BTN3A3: variants seen among roughly 807,000 people sequenced by gnomAD.
The protein encoded by BTN3A3 is butyrophilin subfamily 3 member A3.
A neutral mutation model predicts 43.2 loss-of-function variants in BTN3A3; 39 were observed. That is an observed-to-expected ratio of 0.90 (90% CI 0.70 to 1.18). BTN3A3 has a LOEUF of 1.18. Ranked by LOEUF, BTN3A3 falls within the 50% of genes most tolerant of loss-of-function variation. BTN3A3 has a pLI of 0.00. For missense variants in BTN3A3, 631 were observed against 722.8 expected (o/e 0.87, Z 1.46); for synonymous variants, 255 against 272.7 (o/e 0.93, Z 0.64).
In BTN3A3 at chr6:26,451,898, G is replaced by C. The variant is rs1356617534; in HGVS notation, c.1242G>C (p.Lys414Asn). ...AGTGGCATATTGGGGTATGTAGTAA[G>C]AACGTGGAGAGGAAAAAAGGTTGGG... ...RKEWHIGVCS[K>N]NVERKKGWVK... is the part of the protein sequence containing the mutation. Residue 414 changes from lysine to asparagine, a missense_variant, in exon 11 of 11, where the codon AAG becomes AAC. This residue lies in a region of BTN3A3 where 551 missense variants were observed against 584.0 expected (regional missense o/e 0.94). Transcript: ENST00000244519. 6.2e-7 allele frequency: 1 copy of C among 1,614,046 alleles called. No homozygotes were observed. The highest frequency in any genetic ancestry group is 8.5e-7 in the Non-Finnish European group (1 of 1,180,038).
At chr6:26,443,774 C>G in intron 3 of BTN3A3, 115 bp downstream of exon 3, 1 of 1,489,456 alleles carries the variant, frequency 6.7e-7, no homozygotes, top group Non-Finnish European at 9.2e-7. Flanking sequence ...AACTCATTCC[C>G]ATACCTGGAA....
Position 26,445,857 on chromosome 6 carries a change from C to T in BTN3A3, c.587C>T (p.Ala196Val), listed in dbSNP as rs748468450. 99 of 1,614,044 alleles carry T rather than the reference C, an allele frequency of 6.1e-5. No individual in the cohort carries two copies. The highest frequency in any genetic ancestry group is 7.7e-5 in the Non-Finnish European group (91 of 1,180,042). ...CCGGCTGTGGAAGCACCTGTGGTTG[C>T]AGATGGAGTGGGCCTGTATGCAGTA... ...NIPAVEAPVV[A>V]DGVGLYAVAA... Residue 196 changes from alanine (A) to valine (V), a missense_variant, in exon 5 of 11, where the codon GCA (alanine) becomes GTA (valine). Around this residue, in one of 2 missense-constraint regions of BTN3A3, gnomAD observed 551 missense variants for 584.0 expected, o/e 0.94. Coordinates refer to ENST00000244519, the MANE Select transcript of BTN3A3 (RefSeq NM_006994.5).
At position 26,448,326 on chromosome 6, in the gene BTN3A3, G is replaced by A; in HGVS notation, c.794G>A (p.Gly265Glu). Residue 265 changes from glycine to glutamate, a missense_variant, in exon 6 of 11, where the codon GGA becomes GAA. Transcript: ENST00000244519. ...CCTATCTCGTTGCTGCTTCTCGCAG[G>A]AGCCAGTTACTTCTTGTGGAGACAA... ...TLPISLLLLA[G>E]ASYFLWRQQK... The A allele has an allele frequency of 6.2e-7, 1 of 1,613,788 alleles. No individual in the cohort carries two copies.
chr6:26,446,161 C>T (rs1384965211), intron 5 of BTN3A3, among the ~76,000 whole-genome samples, 176 bp downstream of exon 5: 6 of 152,142 alleles, frequency 3.9e-5, no homozygotes, highest in African/African-American at 1.2e-4. Context: ...CTTCCCCACG[C>T]CACAAAGCTG....
chr6:26,452,640 T>TGATACGGCGA lies in BTN3A3; in HGVS notation c.*229_*230insGATACGGCGA. On this transcript the variant is annotated 3_prime_UTR_variant, in exon 11 of 11. Coordinates refer to ENST00000244519, the MANE Select transcript of BTN3A3 (RefSeq NM_006994.5). ...GCTTTGGTGGATGTCACTCCTTTAA[T>TGATACGGCGA]CCTCACAACACCCTGTCGGGTAGTC... is the stretch of plus-strand genomic sequence containing the variant. 1 of 511,808 alleles carries TGATACGGCGA rather than the reference T, an allele frequency of 2.0e-6. No individual in the cohort carries two copies. Among genetic ancestry groups the TGATACGGCGA allele is most frequent in the Non-Finnish European group, 3.4e-6 (1 of 291,740 alleles). 31.7% of individuals were successfully genotyped at this position (511,808 alleles called of 1,614,324 possible). A position where few individuals can be genotyped will look rare whatever the true frequency, so the allele number is the denominator to read the frequency against.
At position 26,450,901 on chromosome 6, in the gene BTN3A3, G is replaced by C. The variant is rs572784154; in HGVS notation, c.1018+768G>C. On this transcript the variant is annotated intron_variant, in intron 10 of 10. Transcript: ENST00000244519. ...TAGCATCAGCTGCTGCTGGCAGGGA[G>C]GAAGCAGGAGAATAAACAGTGTGTC... Among the ~76,000 whole-genome samples, 15 of 152,320 alleles carry C rather than the reference G, an allele frequency of 9.8e-5. No homozygotes were observed. The South Asian group carries it at 1.0e-3, about 11-fold the overall frequency.
intron 10 of BTN3A3, among the ~76,000 whole-genome samples, chr6:26,450,437 A>T (rs746833339): frequency 9.9e-5 from 15 of 152,122 alleles, no homozygotes; most frequent in South Asian, 2.1e-4. Context: ...GAGAGTGAGG[A>T]TGCAAATGCC....
At position 26,452,490 on chromosome 6, in the gene BTN3A3, T is replaced by C; in HGVS notation, c.*79T>C. The C allele has an allele frequency of 2.3e-6, 3 of 1,278,548 alleles. No individual in the cohort carries two copies. The highest frequency in any genetic ancestry group is 3.2e-6 in the Non-Finnish European group (3 of 950,698). 79.2% of individuals were successfully genotyped at this position (1,278,548 alleles called of 1,614,324 possible). Reference sequence around the variant, plus strand: ...TGTCCCCTTATACAGATAAGGAAACTGGGGTGCAGAAAGGTGAATTAACTT... The same window carrying C: ...TGTCCCCTTATACAGATAAGGAAACCGGGGTGCAGAAAGGTGAATTAACTT... On this transcript the variant is annotated 3_prime_UTR_variant, in exon 11 of 11. Transcript: ENST00000244519.
intron 10 of BTN3A3, among the ~76,000 whole-genome samples, chr6:26,450,855 A>G (rs1267716584): frequency 6.6e-6 from 1 of 152,174 alleles, no homozygotes; most frequent in Admixed American, 6.5e-5. Flanking sequence ...CCCTGAGAAG[A>G]GTCGTCAGGC....
chr6:26,451,723 C>T lies in BTN3A3; in HGVS notation c.1067C>T (p.Ser356Phe), dbSNP rs781330325. Reference protein sequence around the residue: ...PDTANAILLVSEDQRSVQRAE... With the variant: ...PDTANAILLVFEDQRSVQRAE... ...ACGGCAAACGCCATCCTCCTTGTTT[C>T]TGAGGACCAGAGGAGTGTGCAGCGT... is the stretch of plus-strand genomic sequence containing the variant. Residue 356 changes from serine to phenylalanine, a missense_variant, in exon 11 of 11, where the codon TCT becomes TTT. Transcript: ENST00000244519. 3.7e-6 allele frequency: 6 copies of T among 1,614,144 alleles called. No individual in the cohort carries two copies. The Admixed American group carries it at 5.0e-5, about 13-fold the overall frequency.
In BTN3A3 at chr6:26,444,094, G is replaced by A; in HGVS notation, c.223G>A (p.Val75Met). 1 of 1,613,990 alleles carries A rather than the reference G, an allele frequency of 6.2e-7. No homozygotes were observed. Among genetic ancestry groups the A allele is most frequent in the South Asian group, 1.1e-5 (1 of 91,080 alleles). Residue 75 changes from valine to methionine, a missense_variant, in exon 4 of 11, where the codon GTG becomes ATG. Around this residue, in one of 2 missense-constraint regions of BTN3A3, gnomAD observed 80 missense variants for 138.7 expected, o/e 0.58. Coordinates refer to ENST00000244519, the MANE Select transcript of BTN3A3 (RefSeq NM_006994.5). ...GTGGGTGAGTTCCAGCCTAAGGCAGGTGGTGAACGTGTATGCAGATGGAAA... is the reference window on the plus strand; with the variant it reads ...GTGGGTGAGTTCCAGCCTAAGGCAGATGGTGAACGTGTATGCAGATGGAAA... The part of the protein sequence containing the change: ...LRWVSSSLRQ[V>M]VNVYADGKEV...
In BTN3A3 at chr6:26,443,496, T is replaced by C. The variant is rs184175487; in HGVS notation, c.-6+54T>C. 105 of 1,605,034 alleles carry C rather than the reference T, an allele frequency of 6.5e-5. No homozygotes were observed. The African/African-American group carries it at 1.0e-3, about 16-fold the overall frequency. On this transcript the variant is annotated intron_variant, in intron 2 of 10. Transcript: ENST00000244519. ...AGTTAGCCCTGGGGAAGTGGACATTTCCATGCAGAAGCCTAAAGCTTCTTC... is the reference window on the plus strand; with the variant it reads ...AGTTAGCCCTGGGGAAGTGGACATTCCCATGCAGAAGCCTAAAGCTTCTTC...
rs1762838920 is a variant in BTN3A3, at chr6:26,448,383, CAG to C, written c.853_854del (p.Glu285LysfsTer46). Reference sequence around the variant, plus strand: ...GAAAAAATTGCTCTGTCCAGGGAGACAGAAAGAGAGCGAGAGATGAAAGAAAT... The same window carrying C: ...GAAAAAATTGCTCTGTCCAGGGAGACAAAGAGAGCGAGAGATGAAAGAAAT... On this transcript the variant is annotated frameshift_variant, in exon 6 of 11. Coordinates refer to ENST00000244519, the MANE Select transcript of BTN3A3 (RefSeq NM_006994.5). LOFTEE classifies it high-confidence loss of function. 6.2e-7 allele frequency: 1 copy of C among 1,613,698 alleles called. No individual in the cohort carries two copies. The highest frequency in any genetic ancestry group is 1.1e-5 in the South Asian group (1 of 91,066).
chr6:26,447,571 C>A (rs1336923323), intron 5 of BTN3A3, among the ~76,000 whole-genome samples: 1 of 152,162 alleles, frequency 6.6e-6, no homozygotes, highest in Non-Finnish European at 1.5e-5. Context: ...CCGTGTCGGC[C>A]AAGCTGGTCT....
chr6:26,450,983 C>G (rs865857374), intron 10 of BTN3A3, among the ~76,000 whole-genome samples: 2 of 152,178 alleles, frequency 1.3e-5, no homozygotes, highest in Admixed American at 6.5e-5. Flanking sequence ...CCAAACCCAA[C>G]AGCAAACCAG....
chr6:26,450,694 G>A (rs1251006984), intron 10 of BTN3A3, among the ~76,000 whole-genome samples: 4 of 152,158 alleles, frequency 2.6e-5, no homozygotes, highest in African/African-American at 4.8e-5. Flanking sequence ...AAAGGTTTGC[G>A]GAAAGGAGGG....
Position 26,443,532 on chromosome 6 carries a change from T to G in BTN3A3, c.-5-38T>G, listed in dbSNP as rs371007758. 9.3e-6 allele frequency: 15 copies of G among 1,612,144 alleles called. No homozygotes were observed. In the African/African-American group the frequency reaches 1.2e-4, roughly 13 times the overall value. On this transcript the variant is annotated intron_variant, in intron 2 of 10. Coordinates refer to ENST00000244519, the MANE Select transcript of BTN3A3 (RefSeq NM_006994.5). ...GCCTAAAGCTTCTTCCAGGCCATAG[T>G]GTCTGTCCCACACCTTCTGGTATCT...
intron 10 of BTN3A3, among the ~76,000 whole-genome samples, chr6:26,451,026 A>G (rs1478819598): frequency 6.6e-6 from 1 of 152,180 alleles, no homozygotes; most frequent in Non-Finnish European, 1.5e-5. Context: ...CTATCCTTAG[A>G]GTACAGATTC....
chr6:26,444,876 G>T (rs1762734990), intron 4 of BTN3A3: 2 of 188,238 alleles, frequency 1.1e-5, no homozygotes, highest in Non-Finnish European at 2.2e-5. Flanking sequence ...GGATTTGGGG[G>T]AGGGTTTATA....
Sources: allele counts gnomAD v4.1 joint callset (sites outside exome capture counted in the v4.1 genomes callset), GRCh38; gene constraint gnomAD v4.1.1; regional missense constraint gnomAD v4.1.1; transcripts MANE v1.5; gene names NCBI Gene and HGNC (gene_info 2026-07-23, HGNC 2026-07-21).